Variants in ZNF83 observed in about 807,000 individuals in gnomAD.
ZNF83 encodes zinc finger protein 83, also known as zinc finger protein 816B.
For synonymous variants in ZNF83, 209 were observed against 213.0 expected (o/e 0.98, Z 0.17); for missense variants, 552 against 629.9 (o/e 0.88, Z 1.32).
chr19:52,656,454 G>A (rs1451001201), intron 2 of ZNF83, among the ~76,000 whole-genome samples: 1 of 152,126 alleles, frequency 6.6e-6, no homozygotes, highest in Non-Finnish European at 1.5e-5. Context: ...CAACTCTGGA[G>A]GCAGAGGTTG....
At chr19:52,685,404 A>G (rs894893323) in intron 1 of ZNF83, among the ~76,000 whole-genome samples, 7 of 152,144 alleles carry the variant, frequency 4.6e-5, no homozygotes, top group Non-Finnish European at 8.8e-5. Flanking sequence ...TTACAGAAGC[A>G]TCTTTCAAAT....
At chr19:52,634,673 A>G (rs1454648288) in intron 2 of ZNF83, among the ~76,000 whole-genome samples, 5 of 152,188 alleles carry the variant, frequency 3.3e-5, no homozygotes, top group Non-Finnish European at 7.3e-5. Flanking sequence ...AGAATTTACC[A>G]CATACTTCGT....
Position 52,673,862 on chromosome 19 carries a change from A to C in ZNF83, c.-282-13019T>G, listed in dbSNP as rs140267557. 7.2e-3 allele frequency among the ~76,000 whole-genome samples: 1,093 copies of C among 151,700 alleles called. 21 individuals are homozygous for C. The highest frequency in any genetic ancestry group is 0.025 in the African/African-American group (1,017 of 41,364). The stretch of plus-strand genomic sequence containing the variant: ...CAACCCTATCTCTACTAAAAATACA[A>C]AAAATTAACCGGGCCTGGTGGTGTG... On this transcript the variant is annotated intron_variant, in intron 1 of 5. Coordinates refer to the ZNF83 transcript ENST00000594682.
intron 3 of ZNF83, chr19:52,651,436 A>G (rs985470692): frequency 6.6e-6 from 1 of 152,212 alleles, no homozygotes; most frequent in African/African-American, 2.4e-5. Flanking sequence ...GTGTATATCT[A>G]TGCTCCAGTA....
intron 2 of ZNF83, among the ~76,000 whole-genome samples, chr19:52,627,102 A>G (rs1415140653): frequency 1.3e-5 from 2 of 152,016 alleles, no homozygotes; most frequent in South Asian, 2.1e-4. Flanking sequence ...TCTCCCCACA[A>G]TGCACCTTGT....
At chr19:52,669,020 C>A (rs1054923945) in intron 1 of ZNF83, among the ~76,000 whole-genome samples, 10 of 152,166 alleles carry the variant, frequency 6.6e-5, no homozygotes, top group Admixed American at 2.0e-4. Flanking sequence ...CCTTGGAGAC[C>A]TGAAGGGATG....
At chr19:52,631,644 G>T (rs1011083974) in intron 2 of ZNF83, among the ~76,000 whole-genome samples, 6 of 152,082 alleles carry the variant, frequency 3.9e-5, no homozygotes, top group Non-Finnish European at 7.4e-5. Context: ...ACATTATTCT[G>T]GATACCACAC....
At chr19:52,668,347 C>A (rs765560178) in intron 1 of ZNF83, among the ~76,000 whole-genome samples, 14 of 152,186 alleles carry the variant, frequency 9.2e-5, no homozygotes, top group Non-Finnish European at 1.3e-4. Flanking sequence ...GTTCCTGGAT[C>A]AAGCCCTACC....
At chr19:52,629,054 C>CCTT (rs550764016) in intron 2 of ZNF83, among the ~76,000 whole-genome samples, 2,132 of 152,082 alleles carry the variant, frequency 0.014, 49 homozygotes, top group African/African-American at 0.047. Context: ...CTCCATTCCT[C>CCTT]CTTCTCCCTT....
intron 1 of ZNF83, among the ~76,000 whole-genome samples, chr19:52,682,095 T>A (rs1184325089): frequency 6.6e-6 from 1 of 152,032 alleles, no homozygotes; most frequent in African/African-American, 2.4e-5. Context: ...ATTCACCCTC[T>A]TCAGCCTCCC....
chr19:52,643,788 C>G (rs773041936), intron 3 of ZNF83, among the ~76,000 whole-genome samples: 1 of 152,024 alleles, frequency 6.6e-6, no homozygotes, highest in Admixed American at 6.6e-5. Flanking sequence ...GCATGGGAGA[C>G]ATCTCTGAGC....
chr19:52,640,443 A>C (rs1349712101), upstream of ZNF83, among the ~76,000 whole-genome samples: 1 of 152,252 alleles, frequency 6.6e-6, no homozygotes, highest in Non-Finnish European at 1.5e-5. Flanking sequence ...GAGGAAGGTC[A>C]CTTTATCACT....
chr19:52,643,928 C>A (rs2061340171), intron 3 of ZNF83, among the ~76,000 whole-genome samples: 1 of 152,116 alleles, frequency 6.6e-6, no homozygotes, highest in African/African-American at 2.4e-5. Context: ...GTGACTGGGG[C>A]AGAGGTAGTC....
chr19:52,612,688 T>A, exon 3 of ZNF83: 1 of 288,364 alleles, frequency 3.5e-6, no homozygotes, highest in South Asian at 8.8e-5. Flanking sequence ...CCACTCTCAG[T>A]GTTTTTGTTT....
chr19:52,632,083 T>C (rs1906515), intron 2 of ZNF83, among the ~76,000 whole-genome samples: 1 of 152,202 alleles, frequency 6.6e-6, no homozygotes, highest in Non-Finnish European at 1.5e-5. Flanking sequence ...AGGCCTTTCC[T>C]ACAGGGTCTG....
intron 2 of ZNF83, among the ~76,000 whole-genome samples, chr19:52,627,297 C>G (rs943484388): frequency 6.6e-6 from 1 of 152,040 alleles, no homozygotes; most frequent in Non-Finnish European, 1.5e-5. Flanking sequence ...GTGGTCTCTT[C>G]ACACAGACGA....
chr19:52,648,143 GCTTT>G lies in ZNF83; in HGVS notation c.-74+7414_-74+7417del, dbSNP rs1313529604. On this transcript the variant is annotated intron_variant, in intron 3 of 5. Coordinates refer to the ZNF83 transcript ENST00000594682. ...TTTCTCCAGTTGCTTTTCTCCTCCT[GCTTT>G]CTTATCTTTTTTTTTTTTCACTTTT... Among the ~76,000 whole-genome samples, 3 of 145,432 alleles carry G rather than the reference GCTTT, an allele frequency of 2.1e-5. No homozygotes were observed. The East Asian group carries it at 5.9e-4, about 29-fold the overall frequency.
At chr19:52,659,440 A>C (rs2061549089) in intron 2 of ZNF83, among the ~76,000 whole-genome samples, 1 of 152,164 alleles carries the variant, frequency 6.6e-6, no homozygotes, top group African/African-American at 2.4e-5. Flanking sequence ...AAAAATGTTC[A>C]GACAGTTGCT....
At chr19:52,619,890 GA>G (rs978851309) in intron 2 of ZNF83, among the ~76,000 whole-genome samples, 3 of 151,492 alleles carry the variant, frequency 2.0e-5, no homozygotes, top group East Asian at 3.9e-4. Context: ...CTCAAAGAAA[GA>G]AAAAAAAATT....
Sources: allele counts gnomAD v4.1 joint callset (sites outside exome capture counted in the v4.1 genomes callset), GRCh38; gene constraint gnomAD v4.1.1; transcripts MANE v1.5; gene names NCBI Gene and HGNC (gene_info 2026-07-23, HGNC 2026-07-21).